Variants in MTAP observed in about 807,000 individuals in gnomAD.
MTAP encodes S-methyl-5'-thioadenosine phosphorylase.
In MTAP, 33 loss-of-function variants were observed where a neutral mutation model predicts 33.6. That is an observed-to-expected ratio of 0.98 (90% CI 0.74 to 1.31). MTAP has a LOEUF of 1.31. MTAP is among the 40% of genes most tolerant of loss of function. MTAP has a pLI of 0.00. For synonymous variants in MTAP, 148 were observed against 125.7 expected, an observed-to-expected ratio of 1.18 and a Z score of -1.19; for missense variants, 367 against 360.0, an observed-to-expected ratio of 1.02 and a Z score of -0.16.
intron 1 of MTAP, among the ~76,000 whole-genome samples, chr9:21,920,548 A>G (rs1335695612): frequency 6.6e-6 from 1 of 152,190 alleles, no homozygotes; most frequent in Non-Finnish European, 1.5e-5. Flanking sequence ...AAAAAAGTGC[A>G]ATTATGCAAA....
At chr9:21,820,192 G>A (rs1824596423) in intron 4 of MTAP, among the ~76,000 whole-genome samples, 1 of 152,158 alleles carries the variant, frequency 6.6e-6, no homozygotes, top group Non-Finnish European at 1.5e-5. Flanking sequence ...ATTGCTTTTG[G>A]TGTTTTAGTC....
intron 1 of MTAP, among the ~76,000 whole-genome samples, chr9:21,907,503 G>A (rs181913042): frequency 6.6e-6 from 1 of 152,362 alleles, no homozygotes; most frequent in Non-Finnish European, 1.5e-5. Context: ...GTTGCAGTGA[G>A]CTAAGATAGC....
intron 1 of MTAP, among the ~76,000 whole-genome samples, chr9:21,804,751 A>G (rs1260276611): frequency 6.6e-6 from 1 of 152,380 alleles, no homozygotes; most frequent in Admixed American, 6.5e-5. Flanking sequence ...GACCATCCAT[A>G]TAGCCACACA....
At chr9:21,913,942 C>T (rs750193852) in intron 1 of MTAP, among the ~76,000 whole-genome samples, 1 of 152,100 alleles carries the variant, frequency 6.6e-6, no homozygotes, top group Admixed American at 6.6e-5. Context: ...AAGAAAAAAT[C>T]GAACAACCCC....
At position 21,863,777 on chromosome 9, in the gene MTAP, T is replaced by G. The variant is rs1437760199; in HGVS notation, c.*1763T>G. 8 of 985,784 alleles carry G rather than the reference T, an allele frequency of 8.1e-6. No individual in the cohort carries two copies. Among genetic ancestry groups the G allele is most frequent in the Non-Finnish European group, 9.6e-6 (8 of 829,954 alleles). The allele number at this position is 985,784 out of a possible 1,614,324, so 61.1% of individuals were successfully genotyped here. ...CCTTTTATTTAAAGAGTTTGTAAAG[T>G]CAATGTGTTTGTTTGTGTCTCTGAG... On this transcript the variant is annotated 3_prime_UTR_variant, in exon 8 of 8. Transcript: ENST00000644715.
In MTAP at chr9:21,876,290, T is replaced by G. The variant is rs536229082; in HGVS notation, c.147+21420T>G. Among the ~76,000 whole-genome samples the G allele has an allele frequency of 5.3e-5, 8 of 152,326 alleles. No homozygotes were observed. In the South Asian group the frequency reaches 1.2e-3, roughly 24 times the overall value. On this transcript the variant is annotated intron_variant, in intron 1 of 1. Coordinates refer to the MTAP transcript ENST00000577563. Reference sequence around the variant, plus strand: ...TTAGATGTTTGTCAAATGCATAGTTTGCAAATATTTTCTCCCATTCTATAG... The same window carrying G: ...TTAGATGTTTGTCAAATGCATAGTTGGCAAATATTTTCTCCCATTCTATAG...
chr9:21,940,954 CTT>C, downstream of MTAP: 1 of 982,492 alleles, frequency 1.0e-6, no homozygotes, highest in Non-Finnish European at 1.2e-6. Flanking sequence ...TTACAACCCT[CTT>C]ATATTTGCTT....
chr9:21,934,499 C>T (rs1819011643), downstream of MTAP: 1 of 152,208 alleles, frequency 6.6e-6, no homozygotes, highest in South Asian at 2.1e-4. The surrounding 1 kb of genome is among the most constrained non-coding windows in gnomAD (Gnocchi z 5.0). Flanking sequence ...ATAATACATA[C>T]ATACAGTTTT....
chr9:21,912,816 T>C (rs1214288657), intron 1 of MTAP, among the ~76,000 whole-genome samples: 10 of 152,176 alleles, frequency 6.6e-5, no homozygotes, highest in Non-Finnish European at 1.5e-4. Context: ...TAAAGGGTAT[T>C]CACTTAGGAA....
rs1434824463 is a variant in MTAP, at chr9:21,802,764, A to G, written c.16A>G (p.Thr6Ala). 1 of 1,612,396 alleles carries G rather than the reference A, an allele frequency of 6.2e-7. No individual in the cohort carries two copies. The highest frequency in any genetic ancestry group is 2.2e-5 in the East Asian group (1 of 44,800). ...CCGTGCAGACATGGCCTCTGGCACC[A>G]CCACCACCGCCGTGAAGGTGAGATG... is the stretch of plus-strand genomic sequence containing the variant. Reference protein sequence around the residue: MASGTTTTAVKIGIIG... With the variant: MASGTATTAVKIGIIG... Residue 6 changes from threonine (T) to alanine (A), a missense_variant, in exon 1 of 8, where the codon ACC becomes GCC. Physicochemically the swap from Thr to Ala is moderately conservative, Grantham distance 58 (BLOSUM62 0). Transcript: ENST00000644715.
intron 4 of MTAP, among the ~76,000 whole-genome samples, chr9:21,827,535 G>A (rs1430214157): frequency 2.0e-5 from 3 of 152,156 alleles, no homozygotes; most frequent in African/African-American, 4.8e-5. Flanking sequence ...AATAAATAAT[G>A]GGGTTAGACT....
intron 1 of MTAP, among the ~76,000 whole-genome samples, chr9:21,915,038 TCC>T (rs1818658153): frequency 2.8e-5 from 3 of 106,600 alleles, no homozygotes; most frequent in African/African-American, 1.0e-4. Flanking sequence ...CTTCCTTCCT[TCC>T]TTCCTTCCTT....
In MTAP at chr9:21,859,316, G is replaced by A. The variant is rs1406548706; in HGVS notation, c.704G>A (p.Arg235Gln). Residue 235 changes from arginine (R) to glutamine (Q), a missense_variant, in exon 7 of 8, where the codon CGG (arginine) becomes CAG (glutamine). By Grantham distance (43) the Arg-to-Gln change is conservative. Coordinates refer to ENST00000644715, the MANE Select transcript of MTAP (RefSeq NM_002451.4). Reference sequence around the variant, plus strand: ...TTGTTTCTCTAGGTTTCGGTGGACCGGGTCTTAAAGACCCTGAAAGAAAAC... The same window carrying A: ...TTGTTTCTCTAGGTTTCGGTGGACCAGGTCTTAAAGACCCTGAAAGAAAAC... ...KEHEEAVSVDRVLKTLKENAN... is the reference protein window; with the variant it reads ...KEHEEAVSVDQVLKTLKENAN... 13 of 1,610,510 alleles carry A rather than the reference G, an allele frequency of 8.1e-6. No homozygotes were observed. Among genetic ancestry groups the A allele is most frequent in the Admixed American group, 1.7e-5 (1 of 59,152 alleles).
At chr9:21,930,101 C>A in intron 1 of MTAP, 2 of 468,590 alleles carry the variant, frequency 4.3e-6, no homozygotes, top group South Asian at 1.6e-5. Context: ...TAACCAATGT[C>A]TGCAAATTGC....
chr9:21,894,366 C>T (rs1301324582), intron 1 of MTAP, among the ~76,000 whole-genome samples: 1 of 152,068 alleles, frequency 6.6e-6, no homozygotes, highest in Non-Finnish European at 1.5e-5. Flanking sequence ...CCCACTCTCA[C>T]CACTCCTAAT....
At chr9:21,828,809 T>C (rs917631031) in intron 4 of MTAP, among the ~76,000 whole-genome samples, 2 of 152,252 alleles carry the variant, frequency 1.3e-5, no homozygotes, top group Admixed American at 6.5e-5. Context: ...TTTACCTGTT[T>C]CTCTTTTACT....
exon 8 of MTAP, chr9:21,936,358 A>T (rs1819041434): frequency 6.6e-6 from 1 of 152,218 alleles, no homozygotes; most frequent in Non-Finnish European, 1.5e-5. Context: ...ATCTATCCAG[A>T]CAGATGATGA....
chr9:21,863,512 C>A lies in MTAP; in HGVS notation c.*1498C>A. The A allele has an allele frequency of 1.8e-6, 1 of 552,642 alleles. No individual in the cohort carries two copies. The highest frequency in any genetic ancestry group is 2.3e-6 in the Non-Finnish European group (1 of 434,760). 34.2% of individuals were successfully genotyped at this position (552,642 alleles called of 1,614,324 possible). ...GTCCCAGCTACTCAGGAGGCTGAGG[C>A]AGGAGAATGGTGTGAACCTGGGAGG... On this transcript the variant is annotated 3_prime_UTR_variant, in exon 8 of 8. Transcript: ENST00000644715.
intron 1 of MTAP, among the ~76,000 whole-genome samples, chr9:21,890,352 T>A (rs1367723215): frequency 6.6e-6 from 1 of 152,180 alleles, no homozygotes; most frequent in Non-Finnish European, 1.5e-5. Flanking sequence ...CCAGGCTACA[T>A]GTCTCCTTGC....
Sources: gnomAD v4.1 joint callset for allele counts (sites outside exome capture counted in the v4.1 genomes callset) on GRCh38, gnomAD v4.1.1 for gene constraint, Gnocchi (gnomAD v3.1) non-coding constraint, MANE v1.5 for transcripts, NCBI Gene and HGNC (gene_info 2026-07-23, HGNC 2026-07-21) for gene names.